The following WDR31 variants were observed in gnomAD, a reference collection of about 807,000 sequenced individuals.
The protein encoded by WDR31 is WD repeat-containing protein 31.
WDR31 carries 30 observed loss-of-function variants against 47.3 expected under a neutral mutation model. The observed-to-expected ratio is 0.63, with a 90% CI of 0.47 to 0.86. The LOEUF (loss-of-function observed/expected upper bound fraction) is 0.86. WDR31 is among the 40% of genes least tolerant of loss of function. WDR31 has a pLI of 0.00. For synonymous variants in WDR31, 137 were observed against 159.4 expected (o/e 0.86, Z 1.06); for missense variants, 406 against 442.9 (o/e 0.92, Z 0.75).
intron 10 of WDR31, among the ~76,000 whole-genome samples, chr9:113,318,218 A>G (rs983273952): frequency 1.1e-4 from 16 of 152,252 alleles, no homozygotes; most frequent in Non-Finnish European, 1.9e-4. Flanking sequence ...TGAGTGTCAC[A>G]AGTTAGAATC....
chr9:113,338,560 T>C (rs1833763211), intron 1 of WDR31, among the ~76,000 whole-genome samples: 1 of 152,102 alleles, frequency 6.6e-6, no homozygotes, highest in African/African-American at 2.4e-5. Flanking sequence ...GGCAAATAAA[T>C]ACCTGTTGAA....
chr9:113,318,387 T>C, intron 10 of WDR31, 88 bp downstream of exon 10: 4 of 1,511,580 alleles, frequency 2.6e-6, no homozygotes, highest in Non-Finnish European at 3.6e-6. Flanking sequence ...GGTGGCTTTG[T>C]AATGCTGAGC....
At chr9:113,317,075 T>A (rs563751056) in intron 10 of WDR31, among the ~76,000 whole-genome samples, 166 bp from the exon 11 acceptor site, 1 of 152,284 alleles carries the variant, frequency 6.6e-6, no homozygotes, top group South Asian at 2.1e-4. Flanking sequence ...GGTCAGAACT[T>A]GGGCCAACTC....
chr9:113,328,016 C>T (rs2118825074), intron 5 of WDR31, among the ~76,000 whole-genome samples: 1 of 152,302 alleles, frequency 6.6e-6, no homozygotes, highest in Admixed American at 6.5e-5. Context: ...CAGGTATGAG[C>T]CACCATGCCT....
intron 4 of WDR31, among the ~76,000 whole-genome samples, chr9:113,329,435 G>C (rs1352762139): frequency 6.6e-6 from 1 of 151,898 alleles, no homozygotes; most frequent in Non-Finnish European, 1.5e-5. Context: ...GAGGTCGGGA[G>C]TTTGAGACCA....
intron 1 of WDR31, among the ~76,000 whole-genome samples, chr9:113,337,156 T>C (rs1424392553): frequency 6.6e-6 from 1 of 152,214 alleles, no homozygotes; most frequent in Non-Finnish European, 1.5e-5. Flanking sequence ...TAGTTGTGAA[T>C]TATAGCTCAA....
At chr9:113,327,692 T>C (rs1316304539) in intron 5 of WDR31, among the ~76,000 whole-genome samples, 3 of 151,532 alleles carry the variant, frequency 2.0e-5, no homozygotes, top group Non-Finnish European at 2.9e-5. Flanking sequence ...GGTCTTGCTA[T>C]GTCCCAGGCT....
At chr9:113,325,363 T>C (rs1370756536) in intron 5 of WDR31, among the ~76,000 whole-genome samples, 1 of 152,208 alleles carries the variant, frequency 6.6e-6, no homozygotes, top group African/African-American at 2.4e-5. Flanking sequence ...TGCTATCATA[T>C]ATATGTTTGA....
chr9:113,337,092 G>A (rs1032487332), intron 1 of WDR31, among the ~76,000 whole-genome samples: 1 of 152,212 alleles, frequency 6.6e-6, no homozygotes, highest in Non-Finnish European at 1.5e-5. Flanking sequence ...GGGCAGCACA[G>A]AATAGTCAGA....
chr9:113,327,475 TCA>T (rs930162825), intron 5 of WDR31, among the ~76,000 whole-genome samples: 3 of 151,430 alleles, frequency 2.0e-5, no homozygotes, highest in African/African-American at 7.3e-5. Flanking sequence ...GCACACACAC[TCA>T]CACACAGTCA....
chr9:113,323,978 A>T (rs145358324), intron 5 of WDR31, among the ~76,000 whole-genome samples: 4 of 152,192 alleles, frequency 2.6e-5, no homozygotes, highest in African/African-American at 9.6e-5. Context: ...CATTTGCCTG[A>T]TATATCTTTG....
At position 113,331,946 on chromosome 9, in the gene WDR31, T is replaced by G; in HGVS notation, c.77A>C (p.Lys26Thr). The G allele has an allele frequency of 6.2e-7, 1 of 1,613,974 alleles. No individual in the cohort carries two copies. Among genetic ancestry groups the G allele is most frequent in the East Asian group, 2.2e-5 (1 of 44,874 alleles). Residue 26 changes from lysine to threonine, a missense_variant, in exon 3 of 11, where the codon AAA becomes ACA. Transcript: ENST00000374193. ...VSFRFCVVMG[K>T]QQSKLKHSTY... The stretch of plus-strand genomic sequence containing the variant: ...GCTGTGTTTGAGTTTGCTTTGCTGT[T>G]TCCCCATCACGACACAAAACCTAAA...
At chr9:113,322,118 A>G (rs1833338071) in intron 7 of WDR31, among the ~76,000 whole-genome samples, 2 of 151,350 alleles carry the variant, frequency 1.3e-5, no homozygotes, top group Non-Finnish European at 2.9e-5. Flanking sequence ...AAATTTGACA[A>G]CCACTAAAAG....
At chr9:113,320,607 G>T in intron 8 of WDR31, 109 bp from the exon 9 acceptor site, 1 of 1,339,690 alleles carries the variant, frequency 7.5e-7, no homozygotes, top group Non-Finnish European at 1.0e-6. Flanking sequence ...AGGCCAGTCA[G>T]ATTGGAATGG....
chr9:113,335,563 C>T (rs1202093693), intron 2 of WDR31, among the ~76,000 whole-genome samples: 1 of 152,188 alleles, frequency 6.6e-6, no homozygotes, highest in African/African-American at 2.4e-5. Context: ...AACGCACCAA[C>T]TTAATATTCT....
intron 5 of WDR31, among the ~76,000 whole-genome samples, chr9:113,327,474 C>G (rs918717011): frequency 1.3e-5 from 2 of 152,138 alleles, no homozygotes; most frequent in African/African-American, 4.8e-5. Context: ...TGCACACACA[C>G]TCACACACAG....
rs185463813 is a variant in WDR31, at chr9:113,330,388, A to T, written c.249+596T>A. On this transcript the variant is annotated intron_variant, in intron 4 of 10. Transcript: ENST00000374193. ...AGTGCTGGGATTATAGGTGTGAGCC[A>T]CCACACCCGGCCCATTATTAGTATT... 5.6e-4 allele frequency among the ~76,000 whole-genome samples: 86 copies of T among 152,332 alleles called. No individual in the cohort carries two copies. The South Asian group carries it at 9.5e-3, about 17-fold the overall frequency.
chr9:113,326,302 A>G (rs957567472), intron 5 of WDR31, among the ~76,000 whole-genome samples: 20 of 152,188 alleles, frequency 1.3e-4, no homozygotes, highest in African/African-American at 4.3e-4. Context: ...ATGTCTTCCC[A>G]TTGCCTTTAC....
At chr9:113,319,960 TTTA>T (rs1284411569) in intron 9 of WDR31, among the ~76,000 whole-genome samples, 1 of 152,218 alleles carries the variant, frequency 6.6e-6, no homozygotes, top group Non-Finnish European at 1.5e-5. Context: ...ATTTTCTTTC[TTTA>T]TTTTTTTGAG....
Sources: allele counts gnomAD v4.1 joint callset (sites outside exome capture counted in the v4.1 genomes callset), GRCh38; gene constraint gnomAD v4.1.1; transcripts MANE v1.5; gene names NCBI Gene and HGNC (gene_info 2026-07-23, HGNC 2026-07-21).